Variants in AKAP13 observed in about 807,000 individuals in gnomAD.
The protein encoded by AKAP13 is A-kinase anchor protein 13.
AKAP13 carries 80 observed loss-of-function variants against 264.5 expected under a neutral mutation model. That is an observed-to-expected ratio of 0.30 (90% CI 0.25 to 0.36). The LOEUF (loss-of-function observed/expected upper bound fraction) is 0.36, where lower values mean the gene tolerates loss of function less well. Among genes scored for constraint, AKAP13 ranks in the 10% least tolerant of loss-of-function variants. AKAP13 has a pLI of 1.00. For missense variants in AKAP13, 3,712 were observed against 3,435.2 expected (o/e 1.08, Z -2.01); for synonymous variants, 1,380 against 1,250.2 (o/e 1.10, Z -2.19).
At chr15:85,501,779 T>C (rs373720155) in intron 2 of AKAP13, among the ~76,000 whole-genome samples, 1 of 152,344 alleles carries the variant, frequency 6.6e-6, no homozygotes, top group East Asian at 1.9e-4. Context: ...AAACCTAGGC[T>C]TTTAATGATG....
intron 8 of AKAP13, among the ~76,000 whole-genome samples, chr15:85,587,336 CTT>C: frequency 6.6e-6 from 1 of 152,334 alleles, no homozygotes; most frequent in African/African-American, 2.4e-5. Flanking sequence ...GCTTCTTTCA[CTT>C]AGCGTAATAT....
intron 2 of AKAP13, among the ~76,000 whole-genome samples, chr15:85,497,828 GC>G (rs1409217899): frequency 1.3e-5 from 2 of 152,130 alleles, no homozygotes; most frequent in Non-Finnish European, 1.5e-5. Context: ...AGTGTGAAGA[GC>G]AACTGGAGAT....
chr15:85,606,090 CTTTTTTTTTTTTT>C (rs369008646), intron 8 of AKAP13, among the ~76,000 whole-genome samples: 4 of 88,372 alleles, frequency 4.5e-5, no homozygotes, highest in South Asian at 4.4e-4. Flanking sequence ...GTTTGATCTA[CTTTTTTTTTTTTT>C]TTTTTTTTTT....
chr15:85,707,079 C>T (rs1278949852), intron 17 of AKAP13, among the ~76,000 whole-genome samples: 1 of 152,194 alleles, frequency 6.6e-6, no homozygotes, highest in African/African-American at 2.4e-5. Context: ...GAGGCATTGC[C>T]TAGTGAATGG....
intron 16 of AKAP13, chr15:85,689,854 G>T (rs1276198981): frequency 6.6e-6 from 1 of 152,206 alleles, no homozygotes; most frequent in Admixed American, 6.5e-5. Flanking sequence ...CATTCAAACA[G>T]TTAAGACTGT....
At chr15:85,390,250 A>G (rs1373327523) in intron 1 of AKAP13, among the ~76,000 whole-genome samples, 1 of 152,196 alleles carries the variant, frequency 6.6e-6, no homozygotes, top group Non-Finnish European at 1.5e-5. Flanking sequence ...AATTGCAGTC[A>G]TGTCTGGTGG....
At chr15:85,682,364 C>T (rs1051061116) in intron 15 of AKAP13, 152 bp downstream of exon 15, 16 of 770,902 alleles carry the variant, frequency 2.1e-5, no homozygotes, top group Non-Finnish European at 3.3e-5. Flanking sequence ...GTGGTTTTGT[C>T]ATGAAGGCTA....
At chr15:85,460,351 G>A (rs1392091801) in intron 1 of AKAP13, among the ~76,000 whole-genome samples, 1 of 152,120 alleles carries the variant, frequency 6.6e-6, no homozygotes, top group Non-Finnish European at 1.5e-5. Context: ...GATACAGCTC[G>A]CCCTGCATTT....
intron 1 of AKAP13, among the ~76,000 whole-genome samples, chr15:85,481,200 G>T (rs11074272): frequency 6.6e-6 from 1 of 151,904 alleles, no homozygotes. Context: ...TTTTTACATA[G>T]TTCTTTGCAG....
At chr15:85,423,763 G>T (rs1262658840) in intron 1 of AKAP13, among the ~76,000 whole-genome samples, 1 of 152,210 alleles carries the variant, frequency 6.6e-6, no homozygotes, top group Non-Finnish European at 1.5e-5. Flanking sequence ...TTCATCAGAG[G>T]ATGGATGGCA....
chr15:85,707,727 A>G (rs1304660105), intron 17 of AKAP13, among the ~76,000 whole-genome samples: 1 of 152,118 alleles, frequency 6.6e-6, no homozygotes, highest in Non-Finnish European at 1.5e-5. Flanking sequence ...CCTTCCCATC[A>G]GATCACTTGA....
chr15:85,545,079 A>T (rs1196649397), intron 5 of AKAP13, among the ~76,000 whole-genome samples: 2 of 152,172 alleles, frequency 1.3e-5, no homozygotes, highest in African/African-American at 2.4e-5. Flanking sequence ...GATGGGTGCT[A>T]CAGATACAGT....
intron 12 of AKAP13, among the ~76,000 whole-genome samples, chr15:85,660,885 C>T (rs2083313072): frequency 6.6e-6 from 1 of 152,174 alleles, no homozygotes; most frequent in Non-Finnish European, 1.5e-5. Context: ...AGGGGTAGCT[C>T]TTACATCCTC....
intron 33 of AKAP13, 75 bp downstream of exon 33, chr15:85,736,209 T>G: frequency 8.6e-7 from 1 of 1,160,882 alleles, no homozygotes; most frequent in Admixed American, 2.3e-5. Flanking sequence ...GTTTTTTCCT[T>G]TTTTTTTTTT....
chr15:85,588,948 GTT>G (rs2079472468), intron 8 of AKAP13, among the ~76,000 whole-genome samples: 1 of 152,184 alleles, frequency 6.6e-6, no homozygotes, highest in Admixed American at 6.5e-5. Context: ...TATGCTTTGT[GTT>G]TGCTTCCACC....
Position 85,642,851 on chromosome 15 carries a change from C to T in AKAP13, c.4238-2967C>T, listed in dbSNP as rs560966976. ...GTCTGTTAGAGGGCCAGCTGGACAG[C>T]GAGCAGCTCAGCGTAGTTGCTGTGA... On this transcript the variant is annotated intron_variant, in intron 9 of 36. Coordinates refer to ENST00000394518, the MANE Select transcript of AKAP13 (RefSeq NM_007200.5). Among the ~76,000 whole-genome samples, 9 of 152,266 alleles carry T rather than the reference C, an allele frequency of 5.9e-5. 1 individual carries two copies. Among genetic ancestry groups the T allele is most frequent in the African/African-American group, 2.2e-4 (9 of 41,532 alleles).
rs552136076 is a variant in AKAP13 at position 85,543,824 on chromosome 15, G to A, written c.531G>A (p.Leu177=). 2.4e-4 allele frequency: 384 copies of A among 1,614,086 alleles called. 3 individuals are homozygous for A. The South Asian group carries it at 4.0e-3, about 17-fold the overall frequency. The change falls in exon 5 of 37, where the codon CTG becomes CTA. Residue 177 remains leucine (L), a synonymous_variant. Coordinates refer to ENST00000394518, the MANE Select transcript of AKAP13 (RefSeq NM_007200.5). ...LMHFAVRLGL[L]RLTWFLLQKP... ...ATTTTGCTGTGCGGCTGGGACTGCT[G>A]AGGTTGACGTGGTTCCTGTTGCAGA...
At position 85,727,838 on chromosome 15, in the gene AKAP13, T is replaced by G. The variant is rs984368013; in HGVS notation, c.7087+375T>G. Among the ~76,000 whole-genome samples the G allele has an allele frequency of 1.3e-5, 2 of 152,246 alleles. No homozygotes were observed. Among genetic ancestry groups the G allele is most frequent in the African/African-American group, 4.8e-5 (2 of 41,462 alleles). On this transcript the variant is annotated intron_variant, in intron 29 of 36. Transcript: ENST00000394518. This position sits in a 1 kb window ranked among gnomAD's most constrained non-coding sequence, Gnocchi z 5.3. The stretch of plus-strand genomic sequence containing the variant: ...AATTTGGGGAAAAGAATTCTCCAGT[T>G]AATCTGATTTAATCCTCCCCCAGTC...
chr15:85,694,203 G>A (rs910195832), intron 17 of AKAP13, among the ~76,000 whole-genome samples: 3 of 152,198 alleles, frequency 2.0e-5, no homozygotes, highest in African/African-American at 7.2e-5. Flanking sequence ...CATAGTGACG[G>A]CCAAGGGAGA....
Sources: allele counts gnomAD v4.1 joint callset (sites outside exome capture counted in the v4.1 genomes callset), GRCh38; gene constraint gnomAD v4.1.1; non-coding constraint Gnocchi (gnomAD v3.1); transcripts MANE v1.5; gene names NCBI Gene and HGNC (gene_info 2026-07-23, HGNC 2026-07-21).